The following FBXL17 variants were observed in gnomAD, a reference collection of about 807,000 sequenced individuals.
The protein encoded by FBXL17 is F-box/LRR-repeat protein 17.
In FBXL17, 22 loss-of-function variants were observed where a neutral mutation model predicts 66.2. The ratio of observed to expected loss-of-function variants is 0.33; its 90% CI spans 0.24 to 0.47. FBXL17 has a LOEUF of 0.47. Ranked by LOEUF, FBXL17 falls within the 20% of genes least tolerant of loss-of-function variation. The pLI, the probability that FBXL17 is intolerant of heterozygous loss-of-function variation, is 1.00. For synonymous variants in FBXL17, 474 were observed against 400.5 expected, an observed-to-expected ratio of 1.18 and a Z score of -2.19; for missense variants, 878 against 948.2, an observed-to-expected ratio of 0.93 and a Z score of 0.97.
intron 3 of FBXL17, 144 bp downstream of exon 3, chr5:108,364,594 T>C: frequency 1.5e-6 from 1 of 650,860 alleles, no homozygotes; most frequent in South Asian, 2.2e-5. Flanking sequence ...TTAACTAATC[T>C]AAACAAATAT....
chr5:108,185,665 A>C (rs1333670950), intron 6 of FBXL17, among the ~76,000 whole-genome samples: 1 of 152,142 alleles, frequency 6.6e-6, no homozygotes, highest in Non-Finnish European at 1.5e-5. Flanking sequence ...TGTACCTAGG[A>C]AACACTGTGA....
chr5:108,300,320 G>C (rs1318629745), intron 4 of FBXL17, among the ~76,000 whole-genome samples: 5 of 151,832 alleles, frequency 3.3e-5, no homozygotes, highest in Admixed American at 3.3e-4. Context: ...TCTACAGAGA[G>C]ACACTCAAAC....
At chr5:107,937,029 TGGATG>T (rs1750931554) in intron 7 of FBXL17, among the ~76,000 whole-genome samples, 1 of 151,716 alleles carries the variant, frequency 6.6e-6, no homozygotes, top group South Asian at 2.1e-4. Context: ...TAAAAAAAAT[TGGATG>T]GGAAAAAACA....
intron 7 of FBXL17, among the ~76,000 whole-genome samples, chr5:108,009,242 T>G (rs1754061156): frequency 1.4e-5 from 1 of 69,634 alleles, no homozygotes; most frequent in Admixed American, 1.9e-4. Context: ...TACAGCTTGG[T>G]CGTGAGTTGT....
At chr5:108,271,904 C>G (rs1236451934) in intron 4 of FBXL17, among the ~76,000 whole-genome samples, 2 of 152,150 alleles carry the variant, frequency 1.3e-5, no homozygotes, top group Non-Finnish European at 1.5e-5. Context: ...TAAAATGAGG[C>G]TATTACCAGG....
rs751515126 is a variant in FBXL17, at chr5:107,860,768, C to A, written c.*952G>T. ...ACTCATGAATCTTCTATTAATGTGA[C>A]TACCCTCTCGTATCTCAGAAATAGA... On this transcript the variant is annotated 3_prime_UTR_variant, in exon 9 of 9. Coordinates refer to ENST00000542267, the MANE Select transcript of FBXL17 (RefSeq NM_001163315.3). The A allele has an allele frequency of 2.0e-4, 30 of 152,650 alleles. No homozygotes were observed. The highest frequency in any genetic ancestry group is 3.4e-4 in the Non-Finnish European group (23 of 68,010). 9.5% of individuals were successfully genotyped at this position (152,650 alleles called of 1,614,324 possible).
intron 6 of FBXL17, among the ~76,000 whole-genome samples, chr5:108,032,922 G>A (rs1242572696): frequency 6.6e-6 from 1 of 152,138 alleles, no homozygotes; most frequent in Non-Finnish European, 1.5e-5. Context: ...AAGATGATGT[G>A]ATTGGATGGA....
At chr5:108,058,645 C>A (rs774104572) in intron 6 of FBXL17, among the ~76,000 whole-genome samples, 1 of 151,988 alleles carries the variant, frequency 6.6e-6, no homozygotes, top group Non-Finnish European at 1.5e-5. Flanking sequence ...CTGCCACACC[C>A]GGCTAATTTT....
intron 6 of FBXL17, among the ~76,000 whole-genome samples, chr5:108,172,495 T>C (rs549546302): frequency 6.6e-6 from 1 of 152,202 alleles, no homozygotes; most frequent in African/African-American, 2.4e-5. Flanking sequence ...TCTTCTATCT[T>C]CTACAAAATA....
chr5:108,103,451 T>G (rs1465715712), intron 6 of FBXL17, among the ~76,000 whole-genome samples: 1 of 152,194 alleles, frequency 6.6e-6, no homozygotes. Context: ...AAAAATAATC[T>G]TTTGGTCAGT....
At chr5:107,992,997 G>A (rs1031627165) in intron 7 of FBXL17, among the ~76,000 whole-genome samples, 1 of 151,932 alleles carries the variant, frequency 6.6e-6, no homozygotes, top group South Asian at 2.1e-4. Flanking sequence ...CCAGGTTCAC[G>A]CCATTCTCCT....
chr5:107,989,113 A>G (rs1753130611), intron 7 of FBXL17, among the ~76,000 whole-genome samples: 1 of 152,050 alleles, frequency 6.6e-6, no homozygotes, highest in Admixed American at 6.6e-5. Context: ...TCGTCACCCT[A>G]AACATTTACC....
In FBXL17 at chr5:108,158,760, T is replaced by C. The variant is rs79994512; in HGVS notation, c.1745+27357A>G. 1.7e-4 allele frequency among the ~76,000 whole-genome samples: 26 copies of C among 152,306 alleles called. No homozygotes were observed. The East Asian group carries it at 3.9e-3, about 23-fold the overall frequency. ...ACTGATTATGCAGATAAGTGGAATG[T>C]CTTAACTCCGGTTTTAATTACAGCA... On this transcript the variant is annotated intron_variant, in intron 6 of 8. Coordinates refer to ENST00000542267, the MANE Select transcript of FBXL17 (RefSeq NM_001163315.3).
At chr5:107,984,145 C>A (rs1752929739) in intron 7 of FBXL17, among the ~76,000 whole-genome samples, 1 of 151,944 alleles carries the variant, frequency 6.6e-6, no homozygotes, top group Admixed American at 6.6e-5. Context: ...TTATTCTCAG[C>A]TTTTTTCCTT....
chr5:108,329,670 T>C (rs1760025578), intron 4 of FBXL17, among the ~76,000 whole-genome samples: 1 of 152,112 alleles, frequency 6.6e-6, no homozygotes, highest in Non-Finnish European at 1.5e-5. Context: ...TTGTAATGAG[T>C]ACACCACATT....
At chr5:107,985,099 C>A (rs1036616308) in intron 7 of FBXL17, among the ~76,000 whole-genome samples, 6 of 151,996 alleles carry the variant, frequency 3.9e-5, no homozygotes, top group Non-Finnish European at 8.8e-5. Flanking sequence ...TAGTTTAAAC[C>A]AAAAGTGACA....
At chr5:107,929,584 T>G (rs939068756) in intron 7 of FBXL17, among the ~76,000 whole-genome samples, 1 of 152,186 alleles carries the variant, frequency 6.6e-6, no homozygotes, top group Non-Finnish European at 1.5e-5. Context: ...TCTAAAATGC[T>G]GATTTATTGA....
intron 7 of FBXL17, among the ~76,000 whole-genome samples, chr5:107,882,883 G>C (rs1748837733): frequency 6.6e-6 from 1 of 152,134 alleles, no homozygotes; most frequent in Admixed American, 6.5e-5. Context: ...TTTCATTGAG[G>C]TCTGAGGCTA....
At chr5:108,257,108 G>A (rs531898328) in intron 4 of FBXL17, among the ~76,000 whole-genome samples, 1 of 152,178 alleles carries the variant, frequency 6.6e-6, no homozygotes, top group African/African-American at 2.4e-5. Flanking sequence ...CAGATATTTC[G>A]GATGTTACAG....
Sources: gnomAD v4.1 joint callset for allele counts (sites outside exome capture counted in the v4.1 genomes callset) on GRCh38, gnomAD v4.1.1 for gene constraint, MANE v1.5 for transcripts, NCBI Gene and HGNC (gene_info 2026-07-23, HGNC 2026-07-21) for gene names.